SGCZ: variants seen among roughly 807,000 people sequenced by gnomAD.
SGCZ encodes the protein zeta-sarcoglycan.
Under a neutral mutation model 41.3 loss-of-function variants are expected in SGCZ, and 40 were observed. The ratio of observed to expected loss-of-function variants is 0.97; its 90% CI spans 0.75 to 1.26. The LOEUF (loss-of-function observed/expected upper bound fraction) is 1.26, where lower values mean the gene tolerates loss of function less well. Among genes scored for constraint, SGCZ ranks in the 50% most tolerant of loss-of-function variants. The probability of loss-of-function intolerance (pLI) is 0.00; values close to 1 mark genes in which losing one functional copy is unlikely to be tolerated. For synonymous variants in SGCZ, 206 were observed against 137.5 expected (o/e 1.50, Z -3.49); for missense variants, 552 against 369.8 (o/e 1.49, Z -4.04).
intron 2 of SGCZ, among the ~76,000 whole-genome samples, chr8:14,419,231 T>A (rs1359382335): frequency 6.6e-6 from 1 of 151,970 alleles, no homozygotes; most frequent in African/African-American, 2.4e-5. Context: ...GCAAGTTAGC[T>A]AATGTGGCAA....
At chr8:15,029,815 T>C (rs1194686553) in intron 1 of SGCZ, among the ~76,000 whole-genome samples, 9 of 152,164 alleles carry the variant, frequency 5.9e-5, no homozygotes, top group Admixed American at 5.9e-4. Context: ...AGCAAAGCTA[T>C]TATCATGCCT....
intron 2 of SGCZ, among the ~76,000 whole-genome samples, chr8:14,338,375 C>G (rs375932583): frequency 5.9e-5 from 9 of 152,262 alleles, no homozygotes; most frequent in Admixed American, 2.6e-4. Context: ...GGTAGACACC[C>G]ACGTGGGTAG....
chr8:14,235,836 C>T (rs948213590), intron 4 of SGCZ, among the ~76,000 whole-genome samples: 1 of 152,094 alleles, frequency 6.6e-6, no homozygotes, highest in African/African-American at 2.4e-5. Flanking sequence ...AGGCACACAC[C>T]ACCATGCCCA....
At position 15,017,620 on chromosome 8, in the gene SGCZ, C is replaced by T. The variant is rs1368361742; in HGVS notation, c.39+219965G>A. 5.3e-5 allele frequency among the ~76,000 whole-genome samples: 8 copies of T among 152,116 alleles called. 1 individual carries two copies. The Middle Eastern group carries it at 0.014, about 259-fold the overall frequency. On this transcript the variant is annotated intron_variant, in intron 1 of 7. Coordinates refer to ENST00000382080, the MANE Select transcript of SGCZ (RefSeq NM_139167.4). ...AGGCTCAAGTGATCGTTCCTCCCACCGAAGTCTCCCATGTAGCTGGGACCA... is the reference window on the plus strand; with the variant it reads ...AGGCTCAAGTGATCGTTCCTCCCACTGAAGTCTCCCATGTAGCTGGGACCA...
intron 1 of SGCZ, among the ~76,000 whole-genome samples, chr8:14,677,753 A>T (rs1808321047): frequency 6.6e-6 from 1 of 152,224 alleles, no homozygotes; most frequent in Non-Finnish European, 1.5e-5. Flanking sequence ...TATGGGCAAC[A>T]GAATGAGACT....
chr8:14,373,319 C>G (rs72607305), intron 2 of SGCZ, among the ~76,000 whole-genome samples: 9,669 of 152,164 alleles, frequency 0.064, 590 homozygotes, highest in East Asian at 0.29. Context: ...CATGTTAAAT[C>G]TGAAATATGG....
intron 1 of SGCZ, among the ~76,000 whole-genome samples, chr8:15,156,057 C>CA (rs67378130): frequency 0.018 from 1,990 of 110,882 alleles, 91 homozygotes; most frequent in African/African-American, 0.066. Flanking sequence ...GATTCCCTCT[C>CA]AAAAAAAAAA....
intron 1 of SGCZ, among the ~76,000 whole-genome samples, chr8:14,813,000 G>A (rs1187369512): frequency 2.0e-5 from 3 of 152,058 alleles, no homozygotes; most frequent in Non-Finnish European, 4.4e-5. Context: ...TTATATCTCA[G>A]TAAATCTGAA....
chr8:15,053,971 A>C (rs557881164), intron 1 of SGCZ, among the ~76,000 whole-genome samples: 12 of 152,256 alleles, frequency 7.9e-5, no homozygotes, highest in African/African-American at 2.9e-4. Flanking sequence ...GCAAGAAACA[A>C]ATTTTGGATC....
Position 14,439,310 on chromosome 8 carries a change from A to AATATATATATATATATATATATATAT in SGCZ, c.235-115107_235-115106insATATATATATATATATATATATATAT, listed in dbSNP as rs57569373. 2.4e-3 allele frequency among the ~76,000 whole-genome samples: 335 copies of AATATATATATATATATATATATATAT among 142,448 alleles called. 2 individuals carry two copies. The highest frequency in any genetic ancestry group is 5.0e-3 in the East Asian group (24 of 4,768). The allele number at this position is 142,448 out of a possible 152,430, so 93.5% of individuals were successfully genotyped here. Reference sequence around the variant, plus strand: ...TTAAAGAAAATATATAGAAGAAAGAAATATATATATATATATATATCTCCT... The same window carrying AATATATATATATATATATATATATAT: ...TTAAAGAAAATATATAGAAGAAAGAAATATATATATATATATATATATATATATATATATATATATATATATCTCCT... On this transcript the variant is annotated intron_variant, in intron 2 of 7. Coordinates refer to ENST00000382080, the MANE Select transcript of SGCZ (RefSeq NM_139167.4).
chr8:14,240,428 G>T, intron 3 of SGCZ, among the ~76,000 whole-genome samples: 1 of 150,512 alleles, frequency 6.6e-6, no homozygotes, highest in Middle Eastern at 3.5e-3. Flanking sequence ...TACTCTAACC[G>T]CAGAGAATTT....
At chr8:14,391,575 T>C (rs1255875561) in intron 2 of SGCZ, among the ~76,000 whole-genome samples, 1 of 152,114 alleles carries the variant, frequency 6.6e-6, no homozygotes, top group Non-Finnish European at 1.5e-5. Flanking sequence ...GCCATATTAT[T>C]GGACAAGGCA....
chr8:14,125,074 T>C (rs774461728), intron 5 of SGCZ, among the ~76,000 whole-genome samples: 2 of 152,122 alleles, frequency 1.3e-5, no homozygotes, highest in African/African-American at 2.4e-5. Context: ...TACCAAGGAA[T>C]ACCACTAACA....
intron 1 of SGCZ, among the ~76,000 whole-genome samples, chr8:14,763,904 G>A (rs747713933): frequency 9.2e-5 from 14 of 152,314 alleles, no homozygotes; most frequent in Middle Eastern, 3.4e-3. Context: ...CCTACTGGAT[G>A]GAGGAAACGA....
chr8:14,893,481 G>A (rs1805091531), intron 1 of SGCZ, among the ~76,000 whole-genome samples: 1 of 152,066 alleles, frequency 6.6e-6, no homozygotes, highest in South Asian at 2.1e-4. Context: ...AATTAATAGA[G>A]GCCAAAAAAG....
At chr8:15,174,524 T>A (rs1162946992) in intron 1 of SGCZ, among the ~76,000 whole-genome samples, 1 of 152,176 alleles carries the variant, frequency 6.6e-6, no homozygotes, top group Non-Finnish European at 1.5e-5. Flanking sequence ...TTATGTAATA[T>A]AAATATACCT....
intron 2 of SGCZ, among the ~76,000 whole-genome samples, chr8:14,542,555 A>G (rs1234442663): frequency 6.6e-6 from 1 of 152,122 alleles, no homozygotes; most frequent in East Asian, 1.9e-4. Flanking sequence ...TGTTACTTAG[A>G]GCACCGAGCT....
intron 1 of SGCZ, among the ~76,000 whole-genome samples, chr8:14,681,768 G>T (rs374980296): frequency 6.6e-6 from 1 of 152,088 alleles, no homozygotes; most frequent in African/African-American, 2.4e-5. Context: ...GAATATCTTA[G>T]AGAGAGGTCT....
At chr8:14,734,076 C>T (rs548464073) in intron 1 of SGCZ, among the ~76,000 whole-genome samples, 43 of 152,216 alleles carry the variant, frequency 2.8e-4, no homozygotes, top group Admixed American at 1.0e-3. Flanking sequence ...GACACAATCA[C>T]GGAAACAGCA....
Sources: gnomAD v4.1 joint callset for allele counts (sites outside exome capture counted in the v4.1 genomes callset) on GRCh38, gnomAD v4.1.1 for gene constraint, MANE v1.5 for transcripts, NCBI Gene and HGNC (gene_info 2026-07-23, HGNC 2026-07-21) for gene names.